COPS2: variants seen among roughly 807,000 people sequenced by gnomAD.
The protein encoded by COPS2 is COP9 signalosome complex subunit 2.
In COPS2, 10 loss-of-function variants were observed where a neutral mutation model predicts 66.1. That is an observed-to-expected ratio of 0.15 (90% CI 0.09 to 0.26). The LOEUF (loss-of-function observed/expected upper bound fraction) is 0.26. Ranked by LOEUF, COPS2 falls within the 10% of genes least tolerant of loss-of-function variation. The pLI is 1.00. For synonymous variants in COPS2, 179 were observed against 171.3 expected (o/e 1.04, Z -0.35); for missense variants, 215 against 513.3 (o/e 0.42, Z 5.62).
chr15:49,151,544 C>T (rs7181656), intron 1 of COPS2, among the ~76,000 whole-genome samples: 3,764 of 152,168 alleles, frequency 0.025, 121 homozygotes, highest in South Asian at 0.076. Context: ...AACGATTGGA[C>T]TGCGGAATTA....
chr15:49,142,562 C>T (rs1202571154), intron 3 of COPS2, among the ~76,000 whole-genome samples: 5 of 152,184 alleles, frequency 3.3e-5, no homozygotes, highest in African/African-American at 1.2e-4. Context: ...AGCTATTCTT[C>T]AATTTGCCAT....
At chr15:49,152,174 T>G (rs647118) in intron 1 of COPS2, among the ~76,000 whole-genome samples, 74,325 of 140,716 alleles carry the variant, frequency 0.53, 19,845 homozygotes, top group African/African-American at 0.72. Context: ...CTAAGAAACA[T>G]AAAAAAAAAA....
rs780737454 is a variant in COPS2 at position 49,128,091 on chromosome 15, A to G, written c.1191T>C (p.Thr397=). The change falls in exon 13 of 13, where the codon ACT becomes ACC. Residue 397 remains threonine (T), a synonymous_variant. Transcript: ENST00000388901. ...SLLVQCILDN[T]IHGRIDQVNQ... is the part of the protein sequence containing the mutation. ...TGACTTGATCAATTCGGCCATGAATAGTGCTAGAAAGAAATAAATAAGATG... is the reference window on the plus strand; with the variant it reads ...TGACTTGATCAATTCGGCCATGAATGGTGCTAGAAAGAAATAAATAAGATG... 6.2e-7 allele frequency: 1 copy of G among 1,612,474 alleles called. No homozygotes were observed. Among genetic ancestry groups the G allele is most frequent in the South Asian group, 1.1e-5 (1 of 90,672 alleles).
At chr15:49,130,981 CA>C (rs3214692) in intron 9 of COPS2, among the ~76,000 whole-genome samples, 165 bp from the exon 10 acceptor site, 9,418 of 150,808 alleles carry the variant, frequency 0.062, 588 homozygotes, top group African/African-American at 0.15. Flanking sequence ...AACCTTCTGC[CA>C]AAAAAAACAT....
chr15:49,123,321 CCTTA>C lies in COPS2; in HGVS notation c.*4625_*4628del, dbSNP rs1253134479. 8.5e-5 allele frequency: 13 copies of C among 152,138 alleles called. No individual in the cohort carries two copies. The highest frequency in any genetic ancestry group is 2.9e-4 in the African/African-American group (12 of 41,494). The allele number at this position is 152,138 out of a possible 1,614,324, so 9.4% of individuals were successfully genotyped here. On this transcript the variant is annotated 3_prime_UTR_variant, in exon 13 of 13. Transcript: ENST00000388901. ...CCTTTAGCAATTAATTTTAAAATGC[CCTTA>C]CTTCAGAATTAAAAAATTACTCTAG...
chr15:49,131,064 T>C (rs1198046869), intron 9 of COPS2, among the ~76,000 whole-genome samples: 6 of 152,176 alleles, frequency 3.9e-5, no homozygotes, highest in Admixed American at 2.0e-4. Context: ...TTATATACTA[T>C]ATTTATACAA....
intron 2 of COPS2, 120 bp from the exon 3 acceptor site, chr15:49,144,424 G>T (rs2084308209): frequency 3.4e-6 from 2 of 587,992 alleles, no homozygotes; most frequent in Admixed American, 3.2e-5. Context: ...TTTCCCCAAG[G>T]ATACCACCAT....
intron 1 of COPS2, among the ~76,000 whole-genome samples, chr15:49,153,637 C>G (rs1307836179): frequency 6.6e-6 from 1 of 152,124 alleles, no homozygotes; most frequent in Non-Finnish European, 1.5e-5. Flanking sequence ...AGGGAATCAA[C>G]CTAAGTGTCC....
intron 1 of COPS2, among the ~76,000 whole-genome samples, chr15:49,152,584 G>A (rs1246550073): frequency 6.6e-6 from 1 of 152,196 alleles, no homozygotes; most frequent in Non-Finnish European, 1.5e-5. Context: ...CACTTTGGAA[G>A]GCTGAGGAGG....
chr15:49,150,226 C>T (rs2084348882), intron 1 of COPS2, among the ~76,000 whole-genome samples: 1 of 134,732 alleles, frequency 7.4e-6, no homozygotes, highest in African/African-American at 2.8e-5. Flanking sequence ...CCAGCCTGGG[C>T]AACAGAGTAA....
chr15:49,148,834 G>A (rs2084339147), intron 1 of COPS2, among the ~76,000 whole-genome samples: 1 of 152,160 alleles, frequency 6.6e-6, no homozygotes, highest in South Asian at 2.1e-4. Context: ...GTGCCCATAT[G>A]GGCACAAGAT....
At chr15:49,135,106 A>G (rs1488917311) in intron 6 of COPS2, among the ~76,000 whole-genome samples, 1 of 152,218 alleles carries the variant, frequency 6.6e-6, no homozygotes, top group Non-Finnish European at 1.5e-5. Flanking sequence ...TACTGTAATA[A>G]AAGTTATGTG....
In COPS2 at chr15:49,137,705, A is replaced by G. The variant is rs1385231326; in HGVS notation, c.373-268T>C. The G allele has an allele frequency of 7.8e-5, 26 of 333,722 alleles. No homozygotes were observed. In the Admixed American group the frequency reaches 1.2e-3, roughly 15 times the overall value. 20.7% of individuals were successfully genotyped at this position (333,722 alleles called of 1,614,324 possible). On this transcript the variant is annotated intron_variant, in intron 4 of 12. Transcript: ENST00000388901. ...GTGCTGTAAGTTCTCATGCTGTAAT[A>G]GTACACGTTTGTCCTTCCCAATCTA...
At chr15:49,154,604 C>T (rs1595829597) in intron 1 of COPS2, among the ~76,000 whole-genome samples, 2 of 152,130 alleles carry the variant, frequency 1.3e-5, no homozygotes, top group African/African-American at 4.8e-5. Flanking sequence ...CCATATGAAA[C>T]ACCCCCAAAA....
At chr15:49,132,497 A>C (rs2084218255) in intron 9 of COPS2, among the ~76,000 whole-genome samples, 1 of 150,670 alleles carries the variant, frequency 6.6e-6, no homozygotes, top group South Asian at 2.1e-4. Flanking sequence ...TGTACAGTCT[A>C]ATAGTGTTTT....
At chr15:49,134,605 T>C in intron 6 of COPS2, 91 bp from the exon 7 acceptor site, 5 of 1,027,838 alleles carry the variant, frequency 4.9e-6, no homozygotes, top group Non-Finnish European at 7.0e-6. Context: ...TTTATAATAC[T>C]ATTTCCATGT....
In COPS2 at chr15:49,129,158, A is replaced by G. The variant is rs75552456; in HGVS notation, c.1128+319T>C. 3.3e-5 allele frequency among the ~76,000 whole-genome samples: 5 copies of G among 152,200 alleles called. No individual in the cohort carries two copies. In the East Asian group the frequency reaches 9.7e-4, roughly 29 times the overall value. ...ATGCCAAGAAAACAGAAAAATTCAC[A>G]TTAAAAGTAAAGCCCAGTCCCAGCT... is the stretch of plus-strand genomic sequence containing the variant. On this transcript the variant is annotated intron_variant, in intron 11 of 12. Coordinates refer to ENST00000388901, the MANE Select transcript of COPS2 (RefSeq NM_004236.4).
intron 3 of COPS2, among the ~76,000 whole-genome samples, chr15:49,141,184 A>C (rs1595823351): frequency 1.3e-5 from 2 of 152,154 alleles, no homozygotes; most frequent in African/African-American, 2.4e-5. Context: ...GTATCTTGGC[A>C]CTGAAATAGG....
At chr15:49,148,330 A>G (rs1384436828) in intron 1 of COPS2, among the ~76,000 whole-genome samples, 1 of 152,188 alleles carries the variant, frequency 6.6e-6, no homozygotes, top group Non-Finnish European at 1.5e-5. Flanking sequence ...AATAACAGAC[A>G]CACATACTAA....
Sources: gnomAD v4.1 joint callset for allele counts (sites outside exome capture counted in the v4.1 genomes callset) on GRCh38, gnomAD v4.1.1 for gene constraint, MANE v1.5 for transcripts, NCBI Gene and HGNC (gene_info 2026-07-23, HGNC 2026-07-21) for gene names.